The following STRN variants were observed in gnomAD, a reference collection of about 807,000 sequenced individuals.
STRN encodes the protein striatin.
STRN carries 53 observed loss-of-function variants against 96.3 expected under a neutral mutation model. That is an observed-to-expected ratio of 0.55 (90% CI 0.44 to 0.69). The LOEUF (loss-of-function observed/expected upper bound fraction) is 0.69, where lower values mean the gene tolerates loss of function less well. Ranked by LOEUF, STRN falls within the 30% of genes least tolerant of loss-of-function variation. STRN has a pLI of 0.00. For synonymous variants in STRN, 428 were observed against 355.9 expected (o/e 1.20, Z -2.28); for missense variants, 987 against 963.9 (o/e 1.02, Z -0.32).
intron 1 of STRN, among the ~76,000 whole-genome samples, chr2:36,927,933 C>T (rs1670458907): frequency 1.3e-5 from 2 of 152,022 alleles, no homozygotes; most frequent in Admixed American, 1.3e-4. Context: ...TGATAAAACA[C>T]AGACAAGAAT....
rs1489922736 is a variant in STRN, at chr2:36,845,758, T to C, written c.*3698A>G. The stretch of plus-strand genomic sequence containing the variant: ...TTCTAGGAATTCACATTCAAAATTC[T>C]TGGAAAGTATATATGGTGCTCAGAA... On this transcript the variant is annotated 3_prime_UTR_variant, in exon 18 of 18. Coordinates refer to ENST00000263918, the MANE Select transcript of STRN (RefSeq NM_003162.4). 1 of 152,068 alleles carries C rather than the reference T, an allele frequency of 6.6e-6. No homozygotes were observed. Among genetic ancestry groups the C allele is most frequent in the Non-Finnish European group, 1.5e-5 (1 of 68,000 alleles). 9.4% of individuals were successfully genotyped at this position (152,068 alleles called of 1,614,324 possible). A position where few individuals can be genotyped will look rare whatever the true frequency, so the allele number is the denominator to read the frequency against.
chr2:36,933,796 GA>G (rs1558659328), intron 1 of STRN, among the ~76,000 whole-genome samples: 1 of 152,066 alleles, frequency 6.6e-6, no homozygotes, highest in Non-Finnish European at 1.5e-5. Flanking sequence ...GTTAAAAGGC[GA>G]TGACTCTAAA....
chr2:36,863,476 G>C (rs1224479896), intron 12 of STRN, among the ~76,000 whole-genome samples: 2 of 152,294 alleles, frequency 1.3e-5, no homozygotes, highest in Admixed American at 1.3e-4. Context: ...AGATTAGACG[G>C]TTATAAGTGT....
intron 3 of STRN, among the ~76,000 whole-genome samples, chr2:36,910,544 A>G (rs948226783): frequency 5.3e-5 from 8 of 152,332 alleles, no homozygotes; most frequent in South Asian, 4.1e-4. Context: ...ACAGACTGTA[A>G]TAAGTTAAAG....
rs776125676 is a variant in STRN, at chr2:36,843,803, T to C, written c.*5653A>G. 4 of 152,214 alleles carry C rather than the reference T, an allele frequency of 2.6e-5. No individual in the cohort carries two copies. The highest frequency in any genetic ancestry group is 6.6e-5 in the Admixed American group (1 of 15,262). The allele number at this position is 152,214 out of a possible 1,614,324, so 9.4% of individuals were successfully genotyped here. On this transcript the variant is annotated 3_prime_UTR_variant, in exon 18 of 18. Coordinates refer to ENST00000263918, the MANE Select transcript of STRN (RefSeq NM_003162.4). ...TGAGACACCTATAGCATGTTATCTATATTTGTACACTTTATTTAAAAACAA... is the reference window on the plus strand; with the variant it reads ...TGAGACACCTATAGCATGTTATCTACATTTGTACACTTTATTTAAAAACAA...
chr2:36,955,033 G>A (rs971873432), intron 1 of STRN, among the ~76,000 whole-genome samples: 2 of 152,106 alleles, frequency 1.3e-5, no homozygotes, highest in African/African-American at 2.4e-5. Flanking sequence ...TATTCTACTC[G>A]AAGAAAAACT....
intron 9 of STRN, among the ~76,000 whole-genome samples, chr2:36,879,622 G>A (rs1034466723): frequency 3.9e-5 from 6 of 152,228 alleles, no homozygotes; most frequent in Middle Eastern, 3.4e-3. Context: ...TCTGACAAAC[G>A]TCAGAGATAG....
intron 7 of STRN, among the ~76,000 whole-genome samples, chr2:36,888,297 G>C (rs1359268533): frequency 6.6e-6 from 1 of 152,148 alleles, no homozygotes; most frequent in East Asian, 1.9e-4. Context: ...TATTCTCAAT[G>C]TAGCAGCCAA....
intron 10 of STRN, among the ~76,000 whole-genome samples, chr2:36,871,492 T>C (rs931487095): frequency 2.0e-5 from 3 of 152,242 alleles, no homozygotes; most frequent in African/African-American, 7.2e-5. Flanking sequence ...CACTCTATGA[T>C]GTTTGCACAA....
At chr2:36,939,924 T>C (rs1048945560) in intron 1 of STRN, among the ~76,000 whole-genome samples, 16 of 152,320 alleles carry the variant, frequency 1.1e-4, no homozygotes, top group African/African-American at 3.6e-4. Flanking sequence ...CTGAATCCAT[T>C]CACATTCTAA....
Position 36,884,048 on chromosome 2 carries a change from A to G in STRN, c.1070T>C (p.Met357Thr). The G allele has an allele frequency of 7.1e-7, 1 of 1,405,260 alleles. No individual in the cohort carries two copies. The highest frequency in any genetic ancestry group is 9.3e-7 in the Non-Finnish European group (1 of 1,072,094). The allele number at this position is 1,405,260 out of a possible 1,614,324, so 87.0% of individuals were successfully genotyped here. Reference sequence around the variant, plus strand: ...ATCAACATCTCTCAAATTAGCAAGCATATCTTGTAGTTTTGACCTATTGGG... The same window carrying G: ...ATCAACATCTCTCAAATTAGCAAGCGTATCTTGTAGTTTTGACCTATTGGG... ...KRPNRSKLQD[M>T]LANLRDVDEL... The change falls in exon 9 of 18, where the codon ATG becomes ACG. Residue 357 changes from methionine to threonine, a missense_variant. Physicochemically the swap from Met to Thr is moderately conservative, Grantham distance 81. Transcript: ENST00000263918.
chr2:36,885,644 T>C (rs1485426958), intron 8 of STRN, among the ~76,000 whole-genome samples: 6 of 152,138 alleles, frequency 3.9e-5, no homozygotes, highest in South Asian at 4.1e-4. Flanking sequence ...ACGCTTGTAA[T>C]TTCTAAAATA....
At chr2:36,916,290 CA>C in intron 2 of STRN, 139 bp from the exon 3 acceptor site, 1 of 692,088 alleles carries the variant, frequency 1.4e-6, no homozygotes, top group Non-Finnish European at 2.4e-6. Context: ...TCCATGGTGT[CA>C]AAGTTATAAT....
At position 36,843,373 on chromosome 2, in the gene STRN, G is replaced by A. The variant is rs553401415; in HGVS notation, c.*6083C>T. On this transcript the variant is annotated 3_prime_UTR_variant, in exon 18 of 18. Transcript: ENST00000263918. ...ATGTTGATTTGAAGGGGCAGGGAGT[G>A]TGGAAGGCTTGTGTATGTCTGTTAA... is the stretch of plus-strand genomic sequence containing the variant. Among the ~76,000 whole-genome samples, 10 of 152,220 alleles carry A rather than the reference G, an allele frequency of 6.6e-5. No individual in the cohort carries two copies. The highest frequency in any genetic ancestry group is 2.0e-4 in the Admixed American group (3 of 15,282).
chr2:36,877,640 A>T (rs1188529515), intron 10 of STRN, among the ~76,000 whole-genome samples: 1 of 151,740 alleles, frequency 6.6e-6, no homozygotes, highest in East Asian at 1.9e-4. Flanking sequence ...GGCTCAAGCA[A>T]TTCTCCTGCC....
At chr2:36,914,004 A>G (rs1005590900) in intron 3 of STRN, among the ~76,000 whole-genome samples, 1 of 151,924 alleles carries the variant, frequency 6.6e-6, no homozygotes, top group African/African-American at 2.4e-5. Flanking sequence ...TTTTTTTAAG[A>G]GACAGGATCT....
Position 36,869,588 on chromosome 2 carries a change from T to C in STRN, c.1465A>G (p.Met489Val). 6.3e-7 allele frequency: 1 copy of C among 1,595,672 alleles called. No individual in the cohort carries two copies. ...ITASEDHTLK[M>V]WNLQKTAPAK... The stretch of plus-strand genomic sequence containing the variant: ...GGGGCTGTTTTCTGTAAATTCCACA[T>C]TTTTAATGTGTGATCCTCTGATGCT... The change falls in exon 11 of 18, where the codon ATG (methionine) becomes GTG (valine). Residue 489 changes from methionine to valine, a missense_variant. Transcript: ENST00000263918.
At chr2:36,949,922 A>G (rs970783718) in intron 1 of STRN, among the ~76,000 whole-genome samples, 1 of 152,204 alleles carries the variant, frequency 6.6e-6, no homozygotes, top group Non-Finnish European at 1.5e-5. Context: ...CTTCAGTCAG[A>G]GTAACTGCTG....
intron 6 of STRN, among the ~76,000 whole-genome samples, chr2:36,896,148 C>G (rs1669535501): frequency 6.6e-6 from 1 of 151,962 alleles, no homozygotes; most frequent in African/African-American, 2.4e-5. Flanking sequence ...AAAGAGCAGG[C>G]AAAATCCATA....
Sources: gnomAD v4.1 joint callset for allele counts (sites outside exome capture counted in the v4.1 genomes callset) on GRCh38, gnomAD v4.1.1 for gene constraint, MANE v1.5 for transcripts, NCBI Gene and HGNC (gene_info 2026-07-23, HGNC 2026-07-21) for gene names.